EXPH5: variants seen among roughly 807,000 people sequenced by gnomAD.
EXPH5 encodes exophilin 5, also known as exophilin-5.
EXPH5 carries 42 observed loss-of-function variants against 41.1 expected under a neutral mutation model. The observed-to-expected ratio is 1.02, with a 90% CI of 0.80 to 1.32. The LOEUF (loss-of-function observed/expected upper bound fraction) is 1.32. Among genes scored for constraint, EXPH5 ranks in the 40% most tolerant of loss-of-function variants. The probability of loss-of-function intolerance (pLI) is 0.00; values close to 1 mark genes in which losing one functional copy is unlikely to be tolerated. For missense variants in EXPH5, 2,298 were observed against 2,314.5 expected (o/e 0.99, Z 0.15); for synonymous variants, 798 against 833.5 (o/e 0.96, Z 0.73).
chr11:108,531,552 C>T (rs1217205726), intron 3 of EXPH5, among the ~76,000 whole-genome samples: 1 of 152,248 alleles, frequency 6.6e-6, no homozygotes, highest in Non-Finnish European at 1.5e-5. Context: ...CACTCTTCCA[C>T]AGGTACTCTA....
chr11:108,517,795 G>C (rs1023704547), intron 5 of EXPH5, among the ~76,000 whole-genome samples: 5 of 151,316 alleles, frequency 3.3e-5, no homozygotes, highest in African/African-American at 1.2e-4. Context: ...TGCTTGCTCT[G>C]TCACCCAGGC....
At chr11:108,559,475 G>C (rs1183457220) in intron 1 of EXPH5, among the ~76,000 whole-genome samples, 1 of 152,176 alleles carries the variant, frequency 6.6e-6, no homozygotes, top group Non-Finnish European at 1.5e-5. Context: ...GAACCATGAA[G>C]GTTTTCATCC....
At chr11:108,592,972 G>A (rs752477710) in intron 1 of EXPH5, among the ~76,000 whole-genome samples, 25 of 152,254 alleles carry the variant, frequency 1.6e-4, no homozygotes, top group Admixed American at 3.9e-4. Context: ...TTAGGCGAGG[G>A]TGGAAGCTCT....
intron 1 of EXPH5, among the ~76,000 whole-genome samples, chr11:108,579,031 C>T (rs1467670005): frequency 6.6e-6 from 1 of 152,126 alleles, no homozygotes; most frequent in Non-Finnish European, 1.5e-5. Flanking sequence ...CTAGGACTTC[C>T]AGTATTCTGT....
upstream of EXPH5, among the ~76,000 whole-genome samples, chr11:108,597,189 T>TTTTTTA (rs2094140018): frequency 6.6e-6 from 1 of 151,760 alleles, no homozygotes; most frequent in South Asian, 2.1e-4. Flanking sequence ...AATGTCTGAT[T>TTTTTTA]TTTTTATTTT....
At chr11:108,597,763 T>C (rs759562204), upstream of EXPH5, among the ~76,000 whole-genome samples, 2 of 152,118 alleles carry the variant, frequency 1.3e-5, no homozygotes, top group Non-Finnish European at 2.9e-5. Flanking sequence ...GTGGTGTAAC[T>C]CTTAGAAAAG....
At chr11:108,520,359 G>T (rs568220142) in intron 4 of EXPH5, among the ~76,000 whole-genome samples, 1 of 151,932 alleles carries the variant, frequency 6.6e-6, no homozygotes, top group Admixed American at 6.6e-5. Flanking sequence ...TGCCAAAAAC[G>T]GTGGGGACTG....
intron 3 of EXPH5, among the ~76,000 whole-genome samples, chr11:108,532,859 C>G (rs759178355): frequency 2.6e-5 from 4 of 152,130 alleles, no homozygotes; most frequent in Non-Finnish European, 5.9e-5. Context: ...TCTCCGGGAG[C>G]CCTACCTGGA....
chr11:108,593,493 T>A lies in EXPH5; in HGVS notation c.44A>T (p.Asp15Val). 1 of 1,614,224 alleles carries A rather than the reference T, an allele frequency of 6.2e-7. No homozygotes were observed. Among genetic ancestry groups the A allele is most frequent in the Non-Finnish European group, 8.5e-7 (1 of 1,180,028 alleles). ...PPAFDFSFLN[D>V]EEARKILQVL... ...CTGAAGGATCTTCCTGGCCTCTTCG[T>A]CATTTAAGAAACTGAAATCAAACGC... Residue 15 changes from aspartate (D) to valine (V), a missense_variant, in exon 1 of 6, where the codon GAC becomes GTC. Transcript: ENST00000265843.
At position 108,513,616 on chromosome 11, in the gene EXPH5, A is replaced by C. The variant is rs1479554422; in HGVS notation, c.1891T>G (p.Phe631Val). Residue 631 changes from phenylalanine to valine, a missense_variant, in exon 6 of 6, where the codon TTT (phenylalanine) becomes GTT (valine). Phe to Val is a conservative substitution (Grantham distance 50). Transcript: ENST00000265843. ...QTLASSFKTS[F>V]SQISDDRRNP... ...CTTCTGTCATCAGAAATCTGGGAAA[A>C]GGAAGTTTTGAATGAGGATGCTAGA... 20 of 1,613,184 alleles carry C rather than the reference A, an allele frequency of 1.2e-5. No homozygotes were observed. The highest frequency in any genetic ancestry group is 1.7e-5 in the Non-Finnish European group (20 of 1,179,678).
intron 1 of EXPH5, among the ~76,000 whole-genome samples, chr11:108,571,530 G>A (rs965834670): frequency 3.3e-5 from 5 of 152,042 alleles, no homozygotes; most frequent in African/African-American, 1.2e-4. Context: ...ACTCTGAGGC[G>A]TGAAGCCCTT....
intron 1 of EXPH5, among the ~76,000 whole-genome samples, chr11:108,557,563 G>T (rs1417407470): frequency 6.6e-6 from 1 of 152,124 alleles, no homozygotes; most frequent in African/African-American, 2.4e-5. Flanking sequence ...GGCCAGGCTG[G>T]TCTTGAACTC....
chr11:108,555,039 T>C (rs1328472388), intron 1 of EXPH5, among the ~76,000 whole-genome samples: 1 of 152,234 alleles, frequency 6.6e-6, no homozygotes, highest in Non-Finnish European at 1.5e-5. Flanking sequence ...CAGATTTCTA[T>C]GTCGTACTTA....
At position 108,592,507 on chromosome 11, in the gene EXPH5, G is replaced by A. The variant is rs184450971; in HGVS notation, c.119+911C>T. On this transcript the variant is annotated intron_variant, in intron 1 of 5. Coordinates refer to ENST00000265843, the MANE Select transcript of EXPH5 (RefSeq NM_015065.3). ...GCACACAGTGTGGTCTGAGAGTGAT[G>A]TCCTGAATTCCCTTCCACAGTTATC... Among the ~76,000 whole-genome samples, 15 of 152,286 alleles carry A rather than the reference G, an allele frequency of 9.8e-5. No homozygotes were observed. In the East Asian group the frequency reaches 2.9e-3, roughly 29 times the overall value.
At position 108,511,082 on chromosome 11, in the gene EXPH5, G is replaced by C. The variant is rs1169661471; in HGVS notation, c.4425C>G (p.Gly1475=). 1 of 1,614,146 alleles carries C rather than the reference G, an allele frequency of 6.2e-7. No homozygotes were observed. The highest frequency in any genetic ancestry group is 1.7e-5 in the Admixed American group (1 of 60,014). The change falls in exon 6 of 6, where the codon GGC becomes GGG. Residue 1475 remains glycine (G), a synonymous_variant. Transcript: ENST00000265843. ...KDHTSTAVGD[G]SSGSQPREGR... ...CTTCCCTAGGCTGTGATCCACTGGA[G>C]CCATCACCTACAGCTGTGGATGTGT...
intron 1 of EXPH5, among the ~76,000 whole-genome samples, chr11:108,563,378 G>GGCTGAGGA (rs2094021004): frequency 6.6e-6 from 1 of 152,224 alleles, no homozygotes. Flanking sequence ...CCCCAGGAGA[G>GGCTGAGGA]GCTGAGGAGG....
rs1259998166 is a variant in EXPH5, at chr11:108,510,173, C to G, written c.5334G>C (p.Arg1778Ser). ...SPLASFLQQQ[R>S]SASSLEWEPE... The stretch of plus-strand genomic sequence containing the variant: ...GTTCCCACTCCAGAGATGAAGCACT[C>G]CTTTGTTGCTGCAGAAAACTGGCCA... Residue 1778 changes from arginine (R) to serine (S), a missense_variant, in exon 6 of 6, where the codon AGG becomes AGC. Arg to Ser is a moderately radical substitution (Grantham distance 110). Transcript: ENST00000265843. 9.3e-6 allele frequency: 15 copies of G among 1,614,078 alleles called. No individual in the cohort carries two copies. The highest frequency in any genetic ancestry group is 1.7e-5 in the Admixed American group (1 of 60,018).
chr11:108,571,590 C>G (rs1391238002), intron 1 of EXPH5, among the ~76,000 whole-genome samples: 1 of 152,094 alleles, frequency 6.6e-6, no homozygotes, highest in Admixed American at 6.5e-5. Flanking sequence ...TCTCACTTGG[C>G]CCCTGGTAAT....
Position 108,510,391 on chromosome 11 carries a change from C to A in EXPH5, c.5116G>T (p.Val1706Phe), listed in dbSNP as rs36022102. The A allele has an allele frequency of 2.5e-6, 4 of 1,613,822 alleles. No individual in the cohort carries two copies. The highest frequency in any genetic ancestry group is 3.4e-6 in the Non-Finnish European group (4 of 1,179,982). Residue 1706 changes from valine (V) to phenylalanine (F), a missense_variant, in exon 6 of 6, where the codon GTC becomes TTC. Transcript: ENST00000265843. The part of the protein sequence containing the change: ...SQRHQNEFKN[V>F]SESPSKHENS... ...TCATGCTTTGATGGTGATTCTGAGACGTTTTTAAACTCATTCTGATGTCGT... is the reference window on the plus strand; with the variant it reads ...TCATGCTTTGATGGTGATTCTGAGAAGTTTTTAAACTCATTCTGATGTCGT...
Sources: gnomAD v4.1 joint callset for allele counts (sites outside exome capture counted in the v4.1 genomes callset) on GRCh38, gnomAD v4.1.1 for gene constraint, MANE v1.5 for transcripts, NCBI Gene and HGNC (gene_info 2026-07-23, HGNC 2026-07-21) for gene names.